The following MSH4 variants were observed in gnomAD, a reference collection of about 807,000 sequenced individuals.
MSH4 encodes the protein mutS protein homolog 4.
MSH4 carries 106 observed loss-of-function variants against 113.7 expected under a neutral mutation model. The observed-to-expected ratio is 0.93, with a 90% CI of 0.80 to 1.10. The LOEUF is 1.10. MSH4 is among the 50% of genes least tolerant of loss of function. The pLI is 0.00. For synonymous variants in MSH4, 368 were observed against 380.2 expected (o/e 0.97, Z 0.37); for missense variants, 1,061 against 1,093.7 (o/e 0.97, Z 0.42).
intron 19 of MSH4, among the ~76,000 whole-genome samples, chr1:75,907,511 T>A (rs1333959993): frequency 6.6e-6 from 1 of 151,780 alleles, no homozygotes; most frequent in Non-Finnish European, 1.5e-5. Flanking sequence ...TATTTGGTGT[T>A]CTGTGACCTC....
chr1:75,878,481 G>A (rs894646448), intron 11 of MSH4, among the ~76,000 whole-genome samples, 163 bp downstream of exon 11: 3 of 152,136 alleles, frequency 2.0e-5, no homozygotes, highest in African/African-American at 7.2e-5. Flanking sequence ...AACAGCATAT[G>A]TGGCAGCCTT....
chr1:75,800,827 C>T (rs750790751), intron 1 of MSH4, among the ~76,000 whole-genome samples: 1 of 152,132 alleles, frequency 6.6e-6, no homozygotes, highest in Non-Finnish European at 1.5e-5. Flanking sequence ...CCTGGAGCTA[C>T]ATTGTCTGAT....
chr1:75,844,940 C>T (rs553122929), intron 7 of MSH4, among the ~76,000 whole-genome samples: 9 of 152,278 alleles, frequency 5.9e-5, no homozygotes, highest in Middle Eastern at 3.4e-3. Flanking sequence ...CATCATCCCA[C>T]GCCAAAAGGC....
At chr1:75,885,976 G>A (rs62650848) in intron 15 of MSH4, among the ~76,000 whole-genome samples, 22,962 of 90,942 alleles carry the variant, frequency 0.25, 3,683 homozygotes, top group Admixed American at 0.31. Context: ...AGCATGTATA[G>A]TATATATGAT....
intron 9 of MSH4, among the ~76,000 whole-genome samples, chr1:75,868,756 A>C (rs564078139): frequency 6.6e-6 from 1 of 152,292 alleles, no homozygotes; most frequent in East Asian, 1.9e-4. Context: ...TCCCCTGCAC[A>C]TGTTCTTCTT....
At chr1:75,821,733 T>G (rs930380286) in intron 6 of MSH4, among the ~76,000 whole-genome samples, 1 of 152,186 alleles carries the variant, frequency 6.6e-6, no homozygotes, top group South Asian at 2.1e-4. Context: ...CTCAGCCTCC[T>G]GACTAACTGG....
At position 75,876,892 on chromosome 1, in the gene MSH4, T is replaced by G. The variant is rs200596314; in HGVS notation, c.1306-44T>G. The G allele has an allele frequency of 4.5e-6, 5 of 1,106,324 alleles. No individual in the cohort carries two copies. The East Asian group carries it at 1.3e-4, about 29-fold the overall frequency. The allele number at this position is 1,106,324 out of a possible 1,614,324, so 68.5% of individuals were successfully genotyped here. A position where few individuals can be genotyped will look rare whatever the true frequency, so the allele number is the denominator to read the frequency against. On this transcript the variant is annotated intron_variant, in intron 9 of 19. Coordinates refer to ENST00000263187, the MANE Select transcript of MSH4 (RefSeq NM_002440.4). ...TGTAAAATGATATGTTTGAATGATC[T>G]TGTAATTGATTATCCTTAACTTTTT...
chr1:75,909,959 T>C (rs1466774142), intron 19 of MSH4, among the ~76,000 whole-genome samples: 2 of 152,090 alleles, frequency 1.3e-5, no homozygotes, highest in East Asian at 3.9e-4. Context: ...ATTCTACCTT[T>C]TAAAAAAATC....
At chr1:75,861,533 G>A (rs1651454951) in intron 8 of MSH4, among the ~76,000 whole-genome samples, 1 of 152,184 alleles carries the variant, frequency 6.6e-6, no homozygotes, top group Admixed American at 6.5e-5. Context: ...TCAGCTGCAG[G>A]TCTGTTGGAG....
chr1:75,821,758 G>T (rs1467024732), intron 6 of MSH4, among the ~76,000 whole-genome samples: 1 of 152,118 alleles, frequency 6.6e-6, no homozygotes, highest in Non-Finnish European at 1.5e-5. Flanking sequence ...AAAGGCCTGT[G>T]CCACCCTGTC....
chr1:75,802,556 G>T lies in MSH4; in HGVS notation c.245-1175G>T, dbSNP rs560682509. On this transcript the variant is annotated intron_variant, in intron 1 of 19. Transcript: ENST00000263187. ...TATGTACATTATTTAAAAATTTTAT[G>T]ACAATCCTGTAAAATAGGTAATAGC... Among the ~76,000 whole-genome samples the T allele has an allele frequency of 3.3e-5, 5 of 152,260 alleles. No homozygotes were observed. In the South Asian group the frequency reaches 1.0e-3, roughly 32 times the overall value.
At chr1:75,822,109 G>A (rs951982363) in intron 6 of MSH4, among the ~76,000 whole-genome samples, 1 of 151,898 alleles carries the variant, frequency 6.6e-6, no homozygotes, top group African/African-American at 2.4e-5. Context: ...GTGAAACCCC[G>A]TCTCTACTAA....
Position 75,808,166 on chromosome 1 carries a change from A to G in MSH4, c.588+1025A>G, listed in dbSNP as rs1650109244. 2.0e-5 allele frequency among the ~76,000 whole-genome samples: 3 copies of G among 152,134 alleles called. No homozygotes were observed. The South Asian group carries it at 6.2e-4, about 32-fold the overall frequency. On this transcript the variant is annotated intron_variant, in intron 3 of 19. Transcript: ENST00000263187. The stretch of plus-strand genomic sequence containing the variant: ...ATGTGGTGACCCATAGAAGTTTTTG[A>G]TCTATCTCATCAAAAGACTTAGGTT...
chr1:75,828,624 T>C (rs1232065464), intron 7 of MSH4, among the ~76,000 whole-genome samples: 1 of 152,020 alleles, frequency 6.6e-6, no homozygotes, highest in Non-Finnish European at 1.5e-5. Context: ...CATGGGGATA[T>C]AAAGATGGGA....
intron 8 of MSH4, among the ~76,000 whole-genome samples, chr1:75,865,939 G>A (rs1651553309): frequency 6.6e-6 from 1 of 152,040 alleles, no homozygotes; most frequent in South Asian, 2.1e-4. Context: ...ACTATTTACG[G>A]AAAAGACTCT....
At chr1:75,824,977 AT>A (rs201777965) in intron 7 of MSH4, among the ~76,000 whole-genome samples, 3 of 133,644 alleles carry the variant, frequency 2.2e-5, no homozygotes, top group Admixed American at 1.5e-4. Context: ...AATTTAAAGT[AT>A]TTTTTTTTCT....
intron 11 of MSH4, 88 bp from the exon 12 acceptor site, chr1:75,878,904 C>A: frequency 4.6e-6 from 5 of 1,080,178 alleles, no homozygotes; most frequent in Admixed American, 2.5e-5. Flanking sequence ...AATTTAAAAA[C>A]CATGTGACTC....
intron 2 of MSH4, among the ~76,000 whole-genome samples, chr1:75,804,479 T>C (rs1051546303): frequency 6.6e-6 from 1 of 151,500 alleles, no homozygotes; most frequent in African/African-American, 2.4e-5. Context: ...GTTTTAGCTC[T>C]GTAGTAGAAT....
intron 7 of MSH4, among the ~76,000 whole-genome samples, chr1:75,843,936 C>T (rs1440117068): frequency 2.6e-5 from 4 of 151,954 alleles, no homozygotes; most frequent in African/African-American, 4.8e-5. Flanking sequence ...CTCAGCCTCC[C>T]GAGTAGCGGG....
Sources: gnomAD v4.1 joint callset for allele counts (sites outside exome capture counted in the v4.1 genomes callset) on GRCh38, gnomAD v4.1.1 for gene constraint, MANE v1.5 for transcripts, NCBI Gene and HGNC (gene_info 2026-07-23, HGNC 2026-07-21) for gene names.